Variants in MTHFD2 observed in about 807,000 individuals in gnomAD.
The protein encoded by MTHFD2 is bifunctional methylenetetrahydrofolate dehydrogenase/cyclohydrolase, mitochondrial.
A neutral mutation model predicts 36.8 loss-of-function variants in MTHFD2; 26 were observed. That is an observed-to-expected ratio of 0.71 (90% CI 0.52 to 0.98). The LOEUF is 0.98. Among genes scored for constraint, MTHFD2 ranks in the 50% least tolerant of loss-of-function variants. MTHFD2 has a pLI of 0.00. For synonymous variants in MTHFD2, 164 were observed against 155.2 expected, an observed-to-expected ratio of 1.06 and a Z score of -0.42; for missense variants, 373 against 434.0, an observed-to-expected ratio of 0.86 and a Z score of 1.25.
intron 7 of MTHFD2, among the ~76,000 whole-genome samples, chr2:74,213,393 C>T (rs920610037): frequency 6.7e-5 from 10 of 150,278 alleles, no homozygotes; most frequent in Admixed American, 4.7e-4. Context: ...TCTCCTGCCT[C>T]AGCTTCCTGA....
intron 7 of MTHFD2, 81 bp from the exon 8 acceptor site, chr2:74,213,998 A>T: frequency 1.4e-6 from 2 of 1,446,038 alleles, no homozygotes; most frequent in Admixed American, 2.3e-5. Flanking sequence ...TTTTCCTTGC[A>T]TGCTTGTTTA....
At chr2:74,200,664 G>A (rs773966310) in intron 1 of MTHFD2, among the ~76,000 whole-genome samples, 1 of 151,882 alleles carries the variant, frequency 6.6e-6, no homozygotes, top group African/African-American at 2.4e-5. Flanking sequence ...AGAGGCAGAA[G>A]TTTGCCTTTG....
rs1268888633 is a variant in MTHFD2 at position 74,217,329 on chromosome 2, A to C, written c.*3087A>C. The C allele has an allele frequency of 2.6e-5, 4 of 152,234 alleles. No homozygotes were observed. The highest frequency in any genetic ancestry group is 5.9e-5 in the Non-Finnish European group (4 of 68,046). The allele number at this position is 152,234 out of a possible 1,614,324, so 9.4% of individuals were successfully genotyped here. A position where few individuals can be genotyped will look rare whatever the true frequency, so the allele number is the denominator to read the frequency against. On this transcript the variant is annotated 3_prime_UTR_variant, in exon 8 of 8. Coordinates refer to ENST00000394053, the MANE Select transcript of MTHFD2 (RefSeq NM_006636.4). Reference sequence around the variant, plus strand: ...AAATCAACATGGTTGGTGTTCATTAAATGTGGATTGAAGATAAAATGACTG... The same window carrying C: ...AAATCAACATGGTTGGTGTTCATTACATGTGGATTGAAGATAAAATGACTG...
intron 7 of MTHFD2, among the ~76,000 whole-genome samples, chr2:74,212,666 A>G (rs1362281752): frequency 6.6e-6 from 1 of 152,220 alleles, no homozygotes; most frequent in Non-Finnish European, 1.5e-5. Context: ...GAGCAGTTAT[A>G]AACTTTTCAG....
chr2:74,202,614 C>T (rs1458817031), intron 1 of MTHFD2, among the ~76,000 whole-genome samples: 3 of 152,032 alleles, frequency 2.0e-5, no homozygotes, highest in Non-Finnish European at 4.4e-5. Flanking sequence ...GCAACCTCTG[C>T]CTCCCGGGTT....
At chr2:74,212,261 CTCTT>C (rs1490320605) in intron 7 of MTHFD2, among the ~76,000 whole-genome samples, 2 of 42,234 alleles carry the variant, frequency 4.7e-5, no homozygotes, top group Admixed American at 3.5e-4. Context: ...TCGTTTCTTT[CTCTT>C]TTTTTTTTTT....
rs1250357964 is a variant in MTHFD2 at position 74,208,783 on chromosome 2, TA to T, written c.562+67del. The T allele has an allele frequency of 3.3e-6, 5 of 1,530,792 alleles. No individual in the cohort carries two copies. The East Asian group carries it at 1.1e-4, about 35-fold the overall frequency. The allele number at this position is 1,530,792 out of a possible 1,614,324, so 94.8% of individuals were successfully genotyped here. A position where few individuals can be genotyped will look rare whatever the true frequency, so the allele number is the denominator to read the frequency against. ...TTATAAAAGTAGTACTGGCAAATGG[TA>T]AAAACTCATACAGTCCCAAAGAGTG... is the stretch of plus-strand genomic sequence containing the variant. On this transcript the variant is annotated intron_variant, in intron 4 of 7. Transcript: ENST00000394053.
At chr2:74,205,389 G>A (rs1316949572) in intron 1 of MTHFD2, among the ~76,000 whole-genome samples, 2 of 152,178 alleles carry the variant, frequency 1.3e-5, no homozygotes, top group Non-Finnish European at 2.9e-5. Context: ...CCAGACTGAT[G>A]TGAGACTCAG....
intron 7 of MTHFD2, among the ~76,000 whole-genome samples, chr2:74,212,458 G>T (rs550290163): frequency 3.3e-5 from 5 of 151,690 alleles, no homozygotes; most frequent in Non-Finnish European, 5.9e-5. Context: ...AGTAGAGACG[G>T]GGTTTCACCA....
In MTHFD2 at chr2:74,213,311, C is replaced by T. The variant is rs1034564205; in HGVS notation, c.890-768C>T. On this transcript the variant is annotated intron_variant, in intron 7 of 7. Coordinates refer to ENST00000394053, the MANE Select transcript of MTHFD2 (RefSeq NM_006636.4). ...TTTTTTTTTGAGACAGGATCCCTCT[C>T]TGTTGCCCAGGCTGGAGTACAGTGG... Among the ~76,000 whole-genome samples, 3 of 122,994 alleles carry T rather than the reference C, an allele frequency of 2.4e-5. No individual in the cohort carries two copies. In the South Asian group the frequency reaches 7.9e-4, roughly 32 times the overall value. 80.7% of individuals were successfully genotyped at this position (122,994 alleles called of 152,430 possible).
chr2:74,203,906 GTTAGTTTAGTTTAGTTTAGT>G (rs1553448380), intron 1 of MTHFD2, among the ~76,000 whole-genome samples: 1 of 29,518 alleles, frequency 3.4e-5, no homozygotes, highest in Non-Finnish European at 7.1e-5. Context: ...GTTTAGTTTA[GTTAGTTTAGTTTAGTTTAGT>G]TTTTTGAGAT....
chr2:74,214,132 A>G lies in MTHFD2; in HGVS notation c.943A>G (p.Met315Val), dbSNP rs1694376276. The G allele has an allele frequency of 6.2e-7, 1 of 1,614,040 alleles. No individual in the cohort carries two copies. Among genetic ancestry groups the G allele is most frequent in the Non-Finnish European group, 8.5e-7 (1 of 1,179,992 alleles). The change falls in exon 8 of 8, where the codon ATG (methionine) becomes GTG (valine). Residue 315 changes from methionine (M) to valine (V), a missense_variant. Met to Val is a conservative substitution (Grantham distance 21, BLOSUM62 1). Around this residue, in one of 2 missense-constraint regions of MTHFD2, gnomAD observed 308 missense variants for 397.8 expected, o/e 0.77. Transcript: ENST00000394053. ...ITPVPGGVGP[M>V]TVAMLMKNTI... Reference sequence around the variant, plus strand: ...TCCAGTTCCTGGAGGTGTTGGCCCCATGACAGTGGCAATGCTAATGAAGAA... The same window carrying G: ...TCCAGTTCCTGGAGGTGTTGGCCCCGTGACAGTGGCAATGCTAATGAAGAA...
chr2:74,209,920 G>T (rs753312247), intron 4 of MTHFD2, 22 bp from the exon 5 acceptor site: 1 of 1,596,496 alleles, frequency 6.3e-7, no homozygotes, highest in East Asian at 2.2e-5. Context: ...TACTTTTAAT[G>T]TCAATACATA....
intron 1 of MTHFD2, among the ~76,000 whole-genome samples, chr2:74,202,757 A>C (rs1176260615): frequency 6.6e-6 from 1 of 151,332 alleles, no homozygotes; most frequent in Non-Finnish European, 1.5e-5. Context: ...CAATCTCCTG[A>C]CCTCATGATC....
At chr2:74,199,569 T>C (rs913145279) in intron 1 of MTHFD2, among the ~76,000 whole-genome samples, 5 of 151,968 alleles carry the variant, frequency 3.3e-5, no homozygotes, top group Non-Finnish European at 7.4e-5. Context: ...CACTTAAAAA[T>C]GGTTAAGATG....
At chr2:74,214,026 A>G in intron 7 of MTHFD2, 53 bp from the exon 8 acceptor site, 1 of 1,554,778 alleles carries the variant, frequency 6.4e-7, no homozygotes. Flanking sequence ...ATTAAAGTAC[A>G]CACATGTCCT....
intron 7 of MTHFD2, 36 bp downstream of exon 7, chr2:74,211,902 A>G: frequency 6.4e-7 from 1 of 1,567,564 alleles, no homozygotes; most frequent in South Asian, 1.1e-5. Context: ...AAATGAAATC[A>G]ATAAATACTA....
chr2:74,198,863 G>C, intron 1 of MTHFD2, 121 bp downstream of exon 1: 1 of 971,056 alleles, frequency 1.0e-6, no homozygotes, highest in Non-Finnish European at 1.5e-6. Flanking sequence ...CCCCGGCGGT[G>C]GTGGCCGCTG....
chr2:74,211,341 G>T, intron 6 of MTHFD2, 50 bp downstream of exon 6: 1 of 1,207,506 alleles, frequency 8.3e-7, no homozygotes, highest in African/African-American at 1.5e-5. Flanking sequence ...AGAAGAGGAG[G>T]TTGTACCCCT....
Sources: gnomAD v4.1 joint callset for allele counts (sites outside exome capture counted in the v4.1 genomes callset) on GRCh38, gnomAD v4.1.1 for gene constraint, gnomAD v4.1.1 regional missense constraint, MANE v1.5 for transcripts, NCBI Gene and HGNC (gene_info 2026-07-23, HGNC 2026-07-21) for gene names.